The following TTN variants were observed in gnomAD, a reference collection of about 807,000 sequenced individuals.
TTN encodes titin.
Under a neutral mutation model 3,223.0 loss-of-function variants are expected in TTN, and 1,525 were observed. The ratio of observed to expected loss-of-function variants is 0.47; its 90% confidence interval spans 0.45 to 0.49. TTN has a LOEUF of 0.49. TTN is among the 20% of genes least tolerant of loss of function. The pLI, the probability that TTN is intolerant of heterozygous loss-of-function variation, is 0.00. For missense variants in TTN, 40,786 were observed against 43,424.0 expected (o/e 0.94, Z 5.40); for synonymous variants, 14,094 against 15,161.0 (o/e 0.93, Z 5.17).
In TTN at chr2:178,740,401, G is replaced by C. The variant is rs1475563922; in HGVS notation, c.12832C>G (p.Pro4278Ala). The C allele has an allele frequency of 6.2e-7, 1 of 1,612,926 alleles. No homozygotes were observed. Among genetic ancestry groups the C allele is most frequent in the African/African-American group, 1.3e-5 (1 of 74,894 alleles). Residue 4278 changes from proline (P) to alanine (A), a missense_variant, in exon 48 of 363, where the codon CCT becomes GCT. Coordinates refer to ENST00000589042, the MANE Select transcript of TTN (RefSeq NM_001267550.2). Reference sequence around the variant, plus strand: ...TTTACCTGAGAGATCATGACATCAGGACTCTGGAGACTCTCCACGTGTCCC... The same window carrying C: ...TTTACCTGAGAGATCATGACATCAGCACTCTGGAGACTCTCCACGTGTCCC... ...AEGHVESLQS[P>A]DVMISQVNYE...
rs1171635736 is a variant in TTN, at chr2:178,784,265, C to T, written c.2580G>A (p.Lys860=). ...TCTCACTGGGCTTCACAGTAGGAGC[C>T]TTCACCGATTTGGTGATCTTCTGAG... The part of the protein sequence containing the change: ...SSAQKITKSV[K]APTVKPSETR... The change falls in exon 16 of 363, where the codon AAG becomes AAA. Residue 860 remains lysine, a synonymous_variant. Coordinates refer to ENST00000589042, the MANE Select transcript of TTN (RefSeq NM_001267550.2). 2 of 1,613,998 alleles carry T rather than the reference C, an allele frequency of 1.2e-6. No homozygotes were observed. The highest frequency in any genetic ancestry group is 2.7e-5 in the African/African-American group (2 of 74,918).
intron 6 of TTN, 36 bp from the exon 7 acceptor site, chr2:178,795,288 G>A (rs755164819): frequency 6.3e-7 from 1 of 1,594,060 alleles, no homozygotes; most frequent in South Asian, 1.1e-5. Flanking sequence ...GAATGTCAAA[G>A]CAAGGAGGGG....
At chr2:178,616,400 CTT>C (rs2057350775) in intron 257 of TTN, 77 bp downstream of exon 257, 2 of 1,576,726 alleles carry the variant, frequency 1.3e-6, no homozygotes, top group Non-Finnish European at 1.7e-6. Flanking sequence ...GCACATAAGA[CTT>C]TTGTATGGCA....
In TTN at chr2:178,540,106, G is replaced by A; in HGVS notation, c.98060C>T (p.Ala32687Val). Residue 32687 changes from alanine (A) to valine (V), a missense_variant, in exon 351 of 363, where the codon GCT becomes GTT. Transcript: ENST00000589042. ...GACTTTGACTGTTCCTGGTACCTCA[G>A]CAGGCTCACCAGGTCCACCAGCATT... is the stretch of plus-strand genomic sequence containing the variant. Reference protein sequence around the residue: ...ACNAGGPGEPAEVPGTVKVTE... With the variant: ...ACNAGGPGEPVEVPGTVKVTE... 1.9e-6 allele frequency: 3 copies of A among 1,609,286 alleles called. No individual in the cohort carries two copies. The highest frequency in any genetic ancestry group is 2.6e-6 in the Non-Finnish European group (3 of 1,176,440).
rs367635055 is a variant in TTN at position 178,741,184 on chromosome 2, A to C, written c.12049T>G (p.Leu4017Val). The part of the protein sequence containing the change: ...GLYICKAENM[L>V]GESTCAAELL... Reference sequence around the variant, plus strand: ...TCTGCTGCACAGGTGGACTCACCCAACATATTCTCTGCTTTACAGATATAG... The same window carrying C: ...TCTGCTGCACAGGTGGACTCACCCACCATATTCTCTGCTTTACAGATATAG... Residue 4017 changes from leucine to valine, a missense_variant, in exon 48 of 363, where the codon TTG becomes GTG. Physicochemically the swap from Leu to Val is conservative, Grantham distance 32. Coordinates refer to ENST00000589042, the MANE Select transcript of TTN (RefSeq NM_001267550.2). 39 of 1,613,324 alleles carry C rather than the reference A, an allele frequency of 2.4e-5. No individual in the cohort carries two copies. The African/African-American group carries it at 5.1e-4, about 21-fold the overall frequency.
chr2:178,617,119 C>T lies in TTN; in HGVS notation c.47875+1G>A, dbSNP rs869312047. The T allele has an allele frequency of 6.2e-7, 1 of 1,610,264 alleles. No homozygotes were observed. Among genetic ancestry groups the T allele is most frequent in the Non-Finnish European group, 8.5e-7 (1 of 1,178,250 alleles). On this transcript the variant is annotated splice_donor_variant, in intron 255 of 362. Coordinates refer to ENST00000589042, the MANE Select transcript of TTN (RefSeq NM_001267550.2). LOFTEE classifies it high-confidence loss of function. ...GATCTAAAAATAAAATATCTATTTA[C>T]CAAATGCATCGTCAGCGGTGAGAGG...
intron 37 of TTN, 87 bp downstream of exon 37, chr2:178,769,592 G>A: frequency 8.2e-7 from 1 of 1,214,500 alleles, no homozygotes; most frequent in South Asian, 2.0e-5. Context: ...GGTCAGCAAA[G>A]TGTAGGATAT....
chr2:178,677,027 GCTTTGT>G (rs1439762220), intron 147 of TTN, among the ~76,000 whole-genome samples, 168 bp downstream of exon 147: 7 of 151,468 alleles, frequency 4.6e-5, no homozygotes, highest in Non-Finnish European at 7.4e-5. Context: ...CTTGAATACT[GCTTTGT>G]ATCAGTGAAA....
At chr2:178,791,587 G>C (rs1018706516) in intron 10 of TTN, among the ~76,000 whole-genome samples, 4 of 151,370 alleles carry the variant, frequency 2.6e-5, no homozygotes, top group Non-Finnish European at 5.9e-5. Context: ...GGAAGTATTT[G>C]CTTTCTCCGA....
Position 178,594,437 on chromosome 2 carries a change from C to T in TTN, c.58057G>A (p.Asp19353Asn). The T allele has an allele frequency of 6.2e-7, 1 of 1,613,020 alleles. No homozygotes were observed. Among genetic ancestry groups the T allele is most frequent in the Non-Finnish European group, 8.5e-7 (1 of 1,179,454 alleles). ...KYTVKGLKEG[D>N]TYEYRVSAVN... ...GCACTGACACGGTACTCATAGGTAT[C>T]ACCTTCTTTTAAGCCTTTAACAGTG... The change falls in exon 296 of 363, where the codon GAT becomes AAT. Residue 19353 changes from aspartate (D) to asparagine (N), a missense_variant. Transcript: ENST00000589042.
Position 178,547,121 on chromosome 2 carries a change from G to A in TTN, c.94404C>T (p.Tyr31468=), listed in dbSNP as rs2154146419. 1 of 1,613,784 alleles carries A rather than the reference G, an allele frequency of 6.2e-7. No individual in the cohort carries two copies. Among genetic ancestry groups the A allele is most frequent in the East Asian group, 2.2e-5 (1 of 44,864 alleles). The change falls in exon 340 of 363, where the codon TAC becomes TAT. Residue 31468 remains tyrosine (Y), a synonymous_variant. Transcript: ENST00000589042. ...ENKVPCLECN[Y]KVTGLVEGLE... is the part of the protein sequence containing the mutation. ...GTCCTTCTACTAAACCAGTTACTTT[G>A]TAGTTGCACTCTAAGCATGGCACTT...
chr2:178,747,586 C>T (rs1302257782), intron 47 of TTN: 17 of 1,613,250 alleles, frequency 1.1e-5, no homozygotes, highest in Non-Finnish European at 1.4e-5. Context: ...CTTCCACCTC[C>T]ATTGAAGTGA....
intron 47 of TTN, chr2:178,751,025 CT>C: frequency 6.2e-7 from 1 of 1,612,618 alleles, no homozygotes; most frequent in East Asian, 2.2e-5. Flanking sequence ...AGTTTGAAAG[CT>C]TGTGGGAAGT....
intron 117 of TTN, 63 bp from the exon 118 acceptor site, chr2:178,694,071 C>T (rs1199385123): frequency 1.7e-5 from 22 of 1,298,360 alleles, no homozygotes; most frequent in Non-Finnish European, 2.4e-5. Flanking sequence ...AGATCAAACA[C>T]ATGGATTTTA....
chr2:178,599,269 A>C lies in TTN; in HGVS notation c.56524T>G (p.Cys18842Gly). Residue 18842 changes from cysteine to glycine, a missense_variant, in exon 290 of 363, where the codon TGC (cysteine) becomes GGC (glycine). Coordinates refer to ENST00000589042, the MANE Select transcript of TTN (RefSeq NM_001267550.2). ...WVHVSSEPKE[C>G]TYTIPKLLEG... ...AGCAATTTGGGAATCGTGTACGTGC[A>C]CTCCTTAGGTTCACTGGAGACATGG... The C allele has an allele frequency of 6.3e-7, 1 of 1,584,908 alleles. No individual in the cohort carries two copies. Among genetic ancestry groups the C allele is most frequent in the Non-Finnish European group, 8.5e-7 (1 of 1,170,342 alleles).
In TTN at chr2:178,773,165, C is replaced by G. The variant is rs1574610507; in HGVS notation, c.7799G>C (p.Gly2600Ala). 6.2e-7 allele frequency: 1 copy of G among 1,613,580 alleles called. No homozygotes were observed. The highest frequency in any genetic ancestry group is 2.2e-5 in the East Asian group (1 of 44,814). Residue 2600 changes from glycine (G) to alanine (A), a missense_variant, in exon 33 of 363, where the codon GGA (glycine) becomes GCA (alanine). By Grantham distance (60) the Gly-to-Ala change is moderately conservative. Transcript: ENST00000589042. ...TVLNMMKDDE[G>A]KYTFYAGENM... is the part of the protein sequence containing the mutation. ...TTCTCCCGCGTAAAATGTGTATTTT[C>G]CTTCATCATCTTTCATCATATTTAG...
intron 102 of TTN, among the ~76,000 whole-genome samples, chr2:178,705,632 C>G (rs1003698360): frequency 6.6e-6 from 1 of 151,380 alleles, no homozygotes; most frequent in African/African-American, 2.4e-5. Flanking sequence ...TTTCTGTAAA[C>G]TTTATAACCA....
At position 178,546,482 on chromosome 2, in the gene TTN, C is replaced by T. The variant is rs778354141; in HGVS notation, c.94849G>A (p.Asp31617Asn). The T allele has an allele frequency of 3.1e-6, 5 of 1,612,140 alleles. No individual in the cohort carries two copies. In the East Asian group the frequency reaches 1.1e-4, roughly 36 times the overall value. The change falls in exon 342 of 363, where the codon GAT becomes AAT. Residue 31617 changes from aspartate (D) to asparagine (N), a missense_variant. Transcript: ENST00000589042. ...ACCAGATCACCGTGTAATCGGGCAT[C>T]CAGTTCGGCTTTGGGTGGAGCTGTC... ...DEYAPPKAEL[D>N]ARLHGDLVTI...
In TTN at chr2:178,634,428, T is replaced by A; in HGVS notation, c.42353A>T (p.Asp14118Val). 1 of 1,613,094 alleles carries A rather than the reference T, an allele frequency of 6.2e-7. No homozygotes were observed. Among genetic ancestry groups the A allele is most frequent in the African/African-American group, 1.3e-5 (1 of 74,974 alleles). The change falls in exon 230 of 363, where the codon GAT (aspartate) becomes GTT (valine). Residue 14118 changes from aspartate to valine, a missense_variant. Asp to Val is a radical substitution (Grantham distance 152, BLOSUM62 -3). Coordinates refer to ENST00000589042, the MANE Select transcript of TTN (RefSeq NM_001267550.2). The surrounding 1 kb of genome is among the most constrained non-coding windows in gnomAD (Gnocchi z 4.6). ...ILVINDSQFD[D>V]EGVYTAEVEG... ...CACCTCAGCAGTATAGACCCCTTCA[T>A]CATCAAATTGAGAATCATTAATAAC...
Sources: allele counts gnomAD v4.1 joint callset (sites outside exome capture counted in the v4.1 genomes callset), GRCh38; gene constraint gnomAD v4.1.1; non-coding constraint Gnocchi (gnomAD v3.1); transcripts MANE v1.5; gene names NCBI Gene and HGNC (gene_info 2026-07-23, HGNC 2026-07-21).